Variants in MND1 observed in about 807,000 individuals in gnomAD.
MND1 encodes meiotic nuclear division protein 1 homolog.
MND1 carries 28 observed loss-of-function variants against 35.1 expected under a neutral mutation model. That is an observed-to-expected ratio of 0.80 (90% CI 0.59 to 1.09). MND1 has a LOEUF of 1.09. Ranked by LOEUF, MND1 falls within the 50% of genes least tolerant of loss-of-function variation. The probability of loss-of-function intolerance (pLI) is 0.00; values close to 1 mark genes in which losing one functional copy is unlikely to be tolerated. For synonymous variants in MND1, 69 were observed against 70.5 expected (o/e 0.98, Z 0.11); for missense variants, 213 against 239.6 (o/e 0.89, Z 0.73).
intron 4 of MND1, among the ~76,000 whole-genome samples, chr4:153,377,290 G>A (rs1203791082): frequency 1.3e-5 from 2 of 152,086 alleles, no homozygotes; most frequent in African/African-American, 4.8e-5. Context: ...TTAAGTATTT[G>A]TTTTGTTTTG....
chr4:153,365,055 C>T (rs1303599101), intron 4 of MND1, among the ~76,000 whole-genome samples: 1 of 151,606 alleles, frequency 6.6e-6, no homozygotes, highest in Non-Finnish European at 1.5e-5. Flanking sequence ...AAGATAGTTC[C>T]ACTGGCACTC....
Position 153,414,852 on chromosome 4 carries a change from G to C in MND1, c.613G>C (p.Asp205His). Residue 205 changes from aspartate (D) to histidine (H), a missense_variant, in exon 8 of 8, where the codon GAC becomes CAC. Transcript: ENST00000240488. ...FGIPEDFDYI[D>H] ...AATTCCAGAAGACTTTGACTACATA[G>C]ACTAAAATATTCCATGGTGGTGAAG... 1 of 1,366,136 alleles carries C rather than the reference G, an allele frequency of 7.3e-7. No individual in the cohort carries two copies. Among genetic ancestry groups the C allele is most frequent in the Non-Finnish European group, 1.0e-6 (1 of 990,024 alleles). 84.6% of individuals were successfully genotyped at this position (1,366,136 alleles called of 1,614,324 possible).
intron 2 of MND1, among the ~76,000 whole-genome samples, chr4:153,352,244 T>C (rs1773232342): frequency 6.6e-6 from 1 of 152,156 alleles, no homozygotes. Flanking sequence ...AATATAAATA[T>C]GTAAATGGAG....
intron 6 of MND1, among the ~76,000 whole-genome samples, chr4:153,407,003 A>G (rs960530184): frequency 5.3e-5 from 8 of 152,186 alleles, no homozygotes; most frequent in African/African-American, 1.7e-4. Context: ...CTCATTCACT[A>G]TCATGGGAAC....
At chr4:153,382,719 A>G (rs1728742423) in intron 4 of MND1, among the ~76,000 whole-genome samples, 1 of 152,210 alleles carries the variant, frequency 6.6e-6, no homozygotes, top group Admixed American at 6.5e-5. Flanking sequence ...CTTAGCAAAT[A>G]ATTTGTTTTA....
rs532874809 is a variant in MND1, at chr4:153,383,638, C to T, written c.277-10624C>T. ...TAGACTAAAAAAGAGACAAAGATTA[C>T]GTGCCCTCCCTAGCAGACTTCTGTT... On this transcript the variant is annotated intron_variant, in intron 4 of 7. Coordinates refer to ENST00000240488, the MANE Select transcript of MND1 (RefSeq NM_032117.4). Among the ~76,000 whole-genome samples, 6 of 152,264 alleles carry T rather than the reference C, an allele frequency of 3.9e-5. No individual in the cohort carries two copies. In the South Asian group the frequency reaches 1.2e-3, roughly 32 times the overall value.
intron 7 of MND1, among the ~76,000 whole-genome samples, chr4:153,412,524 C>G (rs1729712395): frequency 6.6e-6 from 1 of 151,150 alleles, no homozygotes; most frequent in Admixed American, 6.6e-5. Flanking sequence ...GATGTGTCGC[C>G]CAGGCTGGAG....
Position 153,408,948 on chromosome 4 carries a change from TTA to T in MND1, c.467-14_467-13del, listed in dbSNP as rs1333432605. 6 of 1,003,976 alleles carry T rather than the reference TTA, an allele frequency of 6.0e-6. No homozygotes were observed. The African/African-American group carries it at 8.8e-5, about 15-fold the overall frequency. 62.2% of individuals were successfully genotyped at this position (1,003,976 alleles called of 1,614,324 possible). A position where few individuals can be genotyped will look rare whatever the true frequency, so the allele number is the denominator to read the frequency against. ...TATATATATATAAATACATTTCATT[TTA>T]TATATATAATTTTTTTTCAGGCCAA... On this transcript the variant is annotated intron_variant, in intron 6 of 7. Transcript: ENST00000240488.
In MND1 at chr4:153,345,900, G is replaced by C. The variant is rs1773066523; in HGVS notation, c.3+1160G>C. On this transcript the variant is annotated intron_variant, in intron 1 of 7. Coordinates refer to ENST00000240488, the MANE Select transcript of MND1 (RefSeq NM_032117.4). Reference sequence around the variant, plus strand: ...ACAATTTTTCTCTGCAGAGTTGCTGGCCTCGTATAACTGACTTGGAGAACT... The same window carrying C: ...ACAATTTTTCTCTGCAGAGTTGCTGCCCTCGTATAACTGACTTGGAGAACT... Among the ~76,000 whole-genome samples the C allele has an allele frequency of 3.3e-5, 5 of 152,168 alleles. No homozygotes were observed. The South Asian group carries it at 1.0e-3, about 32-fold the overall frequency.
chr4:153,395,564 G>A (rs145856793), intron 5 of MND1, among the ~76,000 whole-genome samples: 29 of 152,308 alleles, frequency 1.9e-4, no homozygotes, highest in Non-Finnish European at 1.5e-5. Flanking sequence ...TCTTGATGAT[G>A]GTGGTGATCC....
At chr4:153,390,889 A>ATATGTGTGTGTGTGTGTG (rs757236550) in intron 4 of MND1, among the ~76,000 whole-genome samples, 12 of 139,856 alleles carry the variant, frequency 8.6e-5, no homozygotes, top group Admixed American at 7.2e-4. Flanking sequence ...AGGTATATAT[A>ATATGTGTGTGTGTGTGTG]TGTGTGTGTG....
At chr4:153,362,168 G>T (rs1373938043) in intron 4 of MND1, among the ~76,000 whole-genome samples, 1 of 151,932 alleles carries the variant, frequency 6.6e-6, no homozygotes, top group East Asian at 1.9e-4. Context: ...TTCCTATACT[G>T]TTCTATTTCA....
In MND1 at chr4:153,414,678, A is replaced by T. The variant is rs116561416; in HGVS notation, c.512-73A>T. ...AGTTAATAGAAGGAAGTAAAAGAACAATGAAGATAATTATACTTGAAATGT... is the reference window on the plus strand; with the variant it reads ...AGTTAATAGAAGGAAGTAAAAGAACTATGAAGATAATTATACTTGAAATGT... On this transcript the variant is annotated intron_variant, in intron 7 of 7. Coordinates refer to ENST00000240488, the MANE Select transcript of MND1 (RefSeq NM_032117.4). 14 of 607,182 alleles carry T rather than the reference A, an allele frequency of 2.3e-5. No individual in the cohort carries two copies. In the African/African-American group the frequency reaches 2.7e-4, roughly 12 times the overall value. The allele number at this position is 607,182 out of a possible 1,614,324, so 37.6% of individuals were successfully genotyped here. A position where few individuals can be genotyped will look rare whatever the true frequency, so the allele number is the denominator to read the frequency against.
intron 4 of MND1, among the ~76,000 whole-genome samples, chr4:153,367,785 G>A (rs898816574): frequency 1.3e-5 from 2 of 152,086 alleles, no homozygotes; most frequent in East Asian, 1.9e-4. Flanking sequence ...GAGCAACTGC[G>A]CCATTTTATA....
chr4:153,410,984 G>C lies in MND1; in HGVS notation c.511+1969G>C, dbSNP rs117708852. Among the ~76,000 whole-genome samples, 48 of 152,248 alleles carry C rather than the reference G, an allele frequency of 3.2e-4. 1 individual carries two copies. In the East Asian group the frequency reaches 7.5e-3, roughly 24 times the overall value. ...CCAGCCTGAGCAAGAGTGAGACACTGTCTCAAGAAAATAAAAAAGTCCTTA... is the reference window on the plus strand; with the variant it reads ...CCAGCCTGAGCAAGAGTGAGACACTCTCTCAAGAAAATAAAAAAGTCCTTA... On this transcript the variant is annotated intron_variant, in intron 7 of 7. Coordinates refer to ENST00000240488, the MANE Select transcript of MND1 (RefSeq NM_032117.4).
chr4:153,384,258 CTTTTTTTTTTTT>C lies in MND1; in HGVS notation c.277-9988_277-9977del, dbSNP rs35214226. Among the ~76,000 whole-genome samples the C allele has an allele frequency of 1.3e-4, 7 of 55,370 alleles. No individual in the cohort carries two copies. The East Asian group carries it at 3.1e-3, about 25-fold the overall frequency. 36.3% of individuals were successfully genotyped at this position (55,370 alleles called of 152,430 possible). On this transcript the variant is annotated intron_variant, in intron 4 of 7. Transcript: ENST00000240488. ...TCCATATTTCCATTTCTACTTTCTG[CTTTTTTTTTTTT>C]TTTTTTTTTTTTTTTAAAGAGCCAG... is the stretch of plus-strand genomic sequence containing the variant.
chr4:153,399,890 ATTTTTTTTT>A (rs34815482), intron 6 of MND1, among the ~76,000 whole-genome samples: 1 of 71,148 alleles, frequency 1.4e-5, no homozygotes, highest in South Asian at 5.0e-4. Context: ...TTTCAGTGAG[ATTTTTTTTT>A]TTTTTTTTTT....
At chr4:153,350,022 G>A in intron 1 of MND1, 42 bp from the exon 2 acceptor site, 9 of 1,361,094 alleles carry the variant, frequency 6.6e-6, no homozygotes, top group Non-Finnish European at 9.3e-6. Context: ...TTTTCAAAAT[G>A]TGTTTAAAAG....
intron 4 of MND1, among the ~76,000 whole-genome samples, chr4:153,372,212 A>G (rs568026780): frequency 4.6e-5 from 7 of 152,192 alleles, no homozygotes; most frequent in African/African-American, 1.7e-4. Flanking sequence ...AAGTGAGCAC[A>G]TGCCATTGGA....
Sources: gnomAD v4.1 joint callset for allele counts (sites outside exome capture counted in the v4.1 genomes callset) on GRCh38, gnomAD v4.1.1 for gene constraint, MANE v1.5 for transcripts, NCBI Gene and HGNC (gene_info 2026-07-23, HGNC 2026-07-21) for gene names.